The following ADAMTS18 variants were observed in gnomAD, a reference collection of about 807,000 sequenced individuals.
ADAMTS18 encodes A disintegrin and metalloproteinase with thrombospondin motifs 18.
ADAMTS18 carries 157 observed loss-of-function variants against 165.9 expected under a neutral mutation model. The ratio of observed to expected loss-of-function variants is 0.95; its 90% CI spans 0.83 to 1.08. The LOEUF (loss-of-function observed/expected upper bound fraction) is 1.08, where lower values mean the gene tolerates loss of function less well. Among genes scored for constraint, ADAMTS18 ranks in the 50% least tolerant of loss-of-function variants. ADAMTS18 has a pLI of 0.00. For synonymous variants in ADAMTS18, 782 were observed against 578.2 expected, an observed-to-expected ratio of 1.35 and a Z score of -5.06; for missense variants, 2,040 against 1,534.0, an observed-to-expected ratio of 1.33 and a Z score of -5.51.
intron 3 of ADAMTS18, among the ~76,000 whole-genome samples, chr16:77,423,560 A>G (rs16945676): frequency 0.016 from 2,415 of 152,240 alleles, 63 homozygotes; most frequent in African/African-American, 0.055. Flanking sequence ...CGACTTATCA[A>G]TGAAGAAATA....
intron 3 of ADAMTS18, among the ~76,000 whole-genome samples, chr16:77,412,984 A>T (rs2057484595): frequency 6.6e-6 from 1 of 152,138 alleles, no homozygotes; most frequent in Admixed American, 6.5e-5. Flanking sequence ...AGCATGAGAC[A>T]CCATGCCTGG....
chr16:77,335,595 G>T (rs1210316782), intron 12 of ADAMTS18, among the ~76,000 whole-genome samples, 161 bp downstream of exon 12: 1 of 152,038 alleles, frequency 6.6e-6, no homozygotes, highest in African/African-American at 2.4e-5. Context: ...TTGTATAGTT[G>T]TATCAACACA....
At chr16:77,405,715 A>G (rs12447781) in intron 3 of ADAMTS18, among the ~76,000 whole-genome samples, 22,881 of 151,816 alleles carry the variant, frequency 0.15, 2,025 homozygotes, top group Middle Eastern at 0.27. Flanking sequence ...TCTGGCCACT[A>G]TGGTTCCTGA....
intron 10 of ADAMTS18, among the ~76,000 whole-genome samples, chr16:77,352,138 T>G (rs1322038609): frequency 2.0e-5 from 3 of 152,210 alleles, no homozygotes; most frequent in Non-Finnish European, 4.4e-5. Flanking sequence ...GAAAATTTTT[T>G]AATAGTTATG....
intron 15 of ADAMTS18, among the ~76,000 whole-genome samples, chr16:77,320,401 G>C (rs1277949128): frequency 6.6e-6 from 1 of 152,118 alleles, no homozygotes; most frequent in Non-Finnish European, 1.5e-5. Context: ...AAAAATCTAA[G>C]ACCAAAGTGG....
chr16:77,289,916 T>C (rs1241981015), intron 21 of ADAMTS18, among the ~76,000 whole-genome samples: 1 of 152,206 alleles, frequency 6.6e-6, no homozygotes, highest in African/African-American at 2.4e-5. Flanking sequence ...TAGGAGTCGC[T>C]GATTTCAGTG....
intron 10 of ADAMTS18, among the ~76,000 whole-genome samples, chr16:77,345,088 T>C (rs928780920): frequency 2.0e-5 from 3 of 152,108 alleles, no homozygotes; most frequent in Non-Finnish European, 4.4e-5. Flanking sequence ...AGGCAACATT[T>C]TAAAGGAAAG....
At position 77,334,275 on chromosome 16, in the gene ADAMTS18, T is replaced by TGC. The variant is rs1294094612; in HGVS notation, c.1859+1480_1859+1481insGC. Among the ~76,000 whole-genome samples the TGC allele has an allele frequency of 2.1e-4, 22 of 105,372 alleles. 2 individuals carry two copies. Among genetic ancestry groups the TGC allele is most frequent in the African/African-American group, 5.9e-4 (14 of 23,748 alleles). The allele number at this position is 105,372 out of a possible 152,430, so 69.1% of individuals were successfully genotyped here. A position where few individuals can be genotyped will look rare whatever the true frequency, so the allele number is the denominator to read the frequency against. On this transcript the variant is annotated intron_variant, in intron 12 of 22. Transcript: ENST00000282849. ...TACATATAATATATAGTGTTATATA[T>TGC]TATATATAATATATAGTATATATGC...
In ADAMTS18 at chr16:77,283,750, T is replaced by G; in HGVS notation, c.*206A>C. 1.8e-6 allele frequency: 1 copy of G among 567,756 alleles called. No individual in the cohort carries two copies. 35.2% of individuals were successfully genotyped at this position (567,756 alleles called of 1,614,324 possible). On this transcript the variant is annotated 3_prime_UTR_variant, in exon 23 of 23. Coordinates refer to ENST00000282849, the MANE Select transcript of ADAMTS18 (RefSeq NM_199355.4). The stretch of plus-strand genomic sequence containing the variant: ...TCAGATTTGTCATCGCTTCCCATTT[T>G]CAAGTGCTTCAGAGTACCACGTGCT...
intron 10 of ADAMTS18, among the ~76,000 whole-genome samples, chr16:77,348,802 G>T (rs1338268923): frequency 6.6e-6 from 1 of 152,156 alleles, no homozygotes; most frequent in African/African-American, 2.4e-5. Flanking sequence ...GCTGGAATTG[G>T]AGCCCAGAGA....
At chr16:77,391,164 G>A (rs1413005074) in intron 3 of ADAMTS18, among the ~76,000 whole-genome samples, 3 of 152,142 alleles carry the variant, frequency 2.0e-5, no homozygotes, top group African/African-American at 7.2e-5. Flanking sequence ...AGAGAAATGT[G>A]CCAGATTAGA....
intron 3 of ADAMTS18, among the ~76,000 whole-genome samples, chr16:77,393,216 C>T (rs1411674368): frequency 6.6e-6 from 1 of 152,114 alleles, no homozygotes; most frequent in Non-Finnish European, 1.5e-5. Flanking sequence ...CTGCCTAGAA[C>T]CCAATGTGCA....
chr16:77,299,625 C>T (rs1157804321), intron 17 of ADAMTS18, among the ~76,000 whole-genome samples: 2 of 152,174 alleles, frequency 1.3e-5, no homozygotes, highest in Admixed American at 6.5e-5. Context: ...TGTTCTTCCT[C>T]CCAAATGAGC....
intron 16 of ADAMTS18, among the ~76,000 whole-genome samples, chr16:77,310,778 C>A (rs1464378147): frequency 1.3e-5 from 2 of 152,036 alleles, no homozygotes; most frequent in Non-Finnish European, 2.9e-5. Context: ...GCAGCATGCA[C>A]CACAACTCCC....
At chr16:77,380,235 G>C in intron 3 of ADAMTS18, among the ~76,000 whole-genome samples, 1 of 152,178 alleles carries the variant, frequency 6.6e-6, no homozygotes, top group East Asian at 1.9e-4. Context: ...CTGACACAAA[G>C]ATTAACAGAT....
Position 77,367,514 on chromosome 16 carries a change from T to C in ADAMTS18, c.705A>G (p.Ala235=), listed in dbSNP as rs746358433. Reference sequence around the variant, plus strand: ...GATACTCTGTCTCTCGACTCTGAGATGCATGGGGAATGTGACTTGGGGAGT... The same window carrying C: ...GATACTCTGTCTCTCGACTCTGAGACGCATGGGGAATGTGACTTGGGGAGT... The part of the protein sequence containing the change: ...PGYSPSHIPH[A]SQSRETEYHH... The change falls in exon 4 of 23, where the codon GCA becomes GCG. Residue 235 remains alanine (A), a synonymous_variant. Transcript: ENST00000282849. 18 of 1,614,102 alleles carry C rather than the reference T, an allele frequency of 1.1e-5. No homozygotes were observed. The East Asian group carries it at 2.5e-4, about 22-fold the overall frequency.
intron 7 of ADAMTS18, among the ~76,000 whole-genome samples, chr16:77,361,832 C>T (rs751549436): frequency 2.0e-5 from 3 of 151,862 alleles, no homozygotes; most frequent in African/African-American, 4.8e-5. Flanking sequence ...TGTAGTGAAC[C>T]GAGATTGTGC....
chr16:77,393,560 G>T (rs1009088448), intron 3 of ADAMTS18, among the ~76,000 whole-genome samples: 1 of 152,146 alleles, frequency 6.6e-6, no homozygotes, highest in Non-Finnish European at 1.5e-5. Context: ...ATGGAAAGAT[G>T]AGTGCCCTTA....
In ADAMTS18 at chr16:77,385,054, G is replaced by A. The variant is rs533398480; in HGVS notation, c.496-17331C>T. On this transcript the variant is annotated intron_variant, in intron 3 of 22. Coordinates refer to ENST00000282849, the MANE Select transcript of ADAMTS18 (RefSeq NM_199355.4). ...CTCCCAAGTAGCTGGGATTACAGACGTGCACCACCATGCCTGTCTAATTTT... is the reference window on the plus strand; with the variant it reads ...CTCCCAAGTAGCTGGGATTACAGACATGCACCACCATGCCTGTCTAATTTT... Among the ~76,000 whole-genome samples the A allele has an allele frequency of 8.6e-5, 13 of 151,860 alleles. No individual in the cohort carries two copies. The South Asian group carries it at 1.0e-3, about 12-fold the overall frequency.
Sources: gnomAD v4.1 joint callset for allele counts (sites outside exome capture counted in the v4.1 genomes callset) on GRCh38, gnomAD v4.1.1 for gene constraint, MANE v1.5 for transcripts, NCBI Gene and HGNC (gene_info 2026-07-23, HGNC 2026-07-21) for gene names.